TBC1D16: variants seen among roughly 807,000 people sequenced by gnomAD.
TBC1D16 encodes TBC1 domain family member 16.
A neutral mutation model predicts 74.7 loss-of-function variants in TBC1D16; 58 were observed. The observed-to-expected ratio is 0.78, with a 90% CI of 0.63 to 0.97. TBC1D16 has a LOEUF of 0.97. Ranked by LOEUF, TBC1D16 falls within the 50% of genes least tolerant of loss-of-function variation. The pLI, the probability that TBC1D16 is intolerant of heterozygous loss-of-function variation, is 0.00. For missense variants in TBC1D16, 1,014 were observed against 1,079.5 expected (o/e 0.94, Z 0.85); for synonymous variants, 493 against 474.7 (o/e 1.04, Z -0.50).
intron 1 of TBC1D16, among the ~76,000 whole-genome samples, chr17:80,025,534 C>T (rs1290749966): frequency 2.0e-5 from 3 of 147,262 alleles, no homozygotes; most frequent in African/African-American, 7.8e-5. Flanking sequence ...GAGAGTTTTG[C>T]AGCAGTCCTG....
rs974796826 is a variant in TBC1D16, at chr17:79,979,785, A to G, written c.780-26967T>C. On this transcript the variant is annotated intron_variant, in intron 3 of 11. Transcript: ENST00000310924. This position sits in a 1 kb window ranked among gnomAD's most constrained non-coding sequence, Gnocchi z 4.8. ...TCCACCAAAAGCTCACCCTGACTAG[A>G]GAACCAAGCAGAGACTGAGGCCAGA... is the stretch of plus-strand genomic sequence containing the variant. Among the ~76,000 whole-genome samples the G allele has an allele frequency of 6.6e-6, 1 of 151,874 alleles. No homozygotes were observed. Among genetic ancestry groups the G allele is most frequent in the Non-Finnish European group, 1.5e-5 (1 of 67,970 alleles).
At chr17:79,976,175 T>G (rs905189407) in intron 3 of TBC1D16, among the ~76,000 whole-genome samples, 1 of 152,160 alleles carries the variant, frequency 6.6e-6, no homozygotes, top group African/African-American at 2.4e-5. Flanking sequence ...TCTAAAAGCT[T>G]ATGCAAGAGC....
intron 1 of TBC1D16, among the ~76,000 whole-genome samples, chr17:80,029,266 G>A (rs1055391047): frequency 6.6e-6 from 1 of 152,146 alleles, no homozygotes; most frequent in East Asian, 1.9e-4. Context: ...AGGTGAAGAC[G>A]TGGGAAACCT....
chr17:80,003,872 A>G (rs556202025), intron 3 of TBC1D16, among the ~76,000 whole-genome samples: 1 of 152,280 alleles, frequency 6.6e-6, no homozygotes, highest in East Asian at 1.9e-4. Flanking sequence ...CAACAGAGCA[A>G]GAGTCTGTCT....
chr17:80,024,974 T>C (rs1322208164), intron 1 of TBC1D16, among the ~76,000 whole-genome samples: 6 of 51,190 alleles, frequency 1.2e-4, no homozygotes, highest in Non-Finnish European at 1.9e-4. Flanking sequence ...CACAACCCCG[T>C]AGGCACACAC....
intron 1 of TBC1D16, among the ~76,000 whole-genome samples, chr17:80,015,815 A>T (rs1428226951): frequency 6.6e-6 from 1 of 152,150 alleles, no homozygotes; most frequent in African/African-American, 2.4e-5. Flanking sequence ...GTTCGAGATC[A>T]GCCTGGTCAA....
chr17:79,942,547 G>A (rs2032119417), intron 10 of TBC1D16, among the ~76,000 whole-genome samples: 1 of 151,652 alleles, frequency 6.6e-6, no homozygotes, highest in African/African-American at 2.4e-5. Flanking sequence ...GGTACAAAGA[G>A]CACCCTTCCT....
In TBC1D16 at chr17:79,942,216, C is replaced by T. The variant is rs752928693; in HGVS notation, c.1909-10G>A. ...GGTGGAAGTAGTCCGTCTGTGGAGG[C>T]GGGTAGAGTTCAGACACGGGCTCTG... On this transcript the variant is annotated splice_polypyrimidine_tract_variant and intron_variant, in intron 10 of 11. Transcript: ENST00000310924. 33 of 1,582,164 alleles carry T rather than the reference C, an allele frequency of 2.1e-5. No individual in the cohort carries two copies. The highest frequency in any genetic ancestry group is 2.0e-4 in the Admixed American group (11 of 56,194).
chr17:80,015,697 ATAT>A (rs1241372897), intron 1 of TBC1D16, among the ~76,000 whole-genome samples: 1 of 152,142 alleles, frequency 6.6e-6, no homozygotes, highest in Non-Finnish European at 1.5e-5. Flanking sequence ...GTACAGTGGA[ATAT>A]TATTTGGCCT....
chr17:79,982,728 C>T (rs1013446590), intron 3 of TBC1D16, among the ~76,000 whole-genome samples: 4 of 151,524 alleles, frequency 2.6e-5, no homozygotes, highest in African/African-American at 7.3e-5. Context: ...GTGTAACGGC[C>T]GGTGCCTGTA....
Position 79,975,081 on chromosome 17 carries a change from T to C in TBC1D16, c.780-22263A>G, listed in dbSNP as rs2034274420. On this transcript the variant is annotated intron_variant, in intron 3 of 11. Transcript: ENST00000310924. This position sits in a 1 kb window ranked among gnomAD's most constrained non-coding sequence, Gnocchi z 4.5. ...CTCGCCATGCCGTCCCCACTGCCAG[T>C]GGGCGCAACGTTACTTGCAAGGCCA... Among the ~76,000 whole-genome samples, 1 of 152,194 alleles carries C rather than the reference T, an allele frequency of 6.6e-6. No individual in the cohort carries two copies. The highest frequency in any genetic ancestry group is 1.5e-5 in the Non-Finnish European group (1 of 68,030).
Position 79,950,813 on chromosome 17 carries a change from C to T in TBC1D16, c.1090-235G>A, listed in dbSNP as rs2032997401. On this transcript the variant is annotated intron_variant, in intron 5 of 11. Coordinates refer to ENST00000310924, the MANE Select transcript of TBC1D16 (RefSeq NM_019020.4). This position sits in a 1 kb window ranked among gnomAD's most constrained non-coding sequence, Gnocchi z 4.6. ...CTCTCCTCCCCGGCCCACTGTGCCG[C>T]CGCCCCCCACTCTCTCCAACCCCAG... The T allele has an allele frequency of 2.6e-6, 4 of 1,535,352 alleles. No homozygotes were observed. The highest frequency in any genetic ancestry group is 1.4e-5 in the African/African-American group (1 of 73,034).
At chr17:80,004,980 C>T (rs150181503) in intron 3 of TBC1D16, among the ~76,000 whole-genome samples, 1 of 152,358 alleles carries the variant, frequency 6.6e-6, no homozygotes, top group East Asian at 1.9e-4. Context: ...GCCACTTTGG[C>T]CTTTCTATCT....
rs115810031 is a variant in TBC1D16 at position 79,962,604 on chromosome 17, T to G, written c.780-9786A>C. On this transcript the variant is annotated intron_variant, in intron 3 of 11. Coordinates refer to ENST00000310924, the MANE Select transcript of TBC1D16 (RefSeq NM_019020.4). ...ATCACCTTCCATTTCCAGAACTCTT[T>G]TCATCTTGTAAAACAAAAGCTCTAT... Among the ~76,000 whole-genome samples the G allele has an allele frequency of 1.9e-3, 289 of 152,258 alleles. 1 individual carries two copies. Among genetic ancestry groups the G allele is most frequent in the African/African-American group, 6.6e-3 (274 of 41,544 alleles).
At chr17:80,027,216 G>C (rs2036608549) in intron 1 of TBC1D16, among the ~76,000 whole-genome samples, 1 of 152,228 alleles carries the variant, frequency 6.6e-6, no homozygotes, top group Non-Finnish European at 1.5e-5. Context: ...AATCCTAACA[G>C]TTTCGGGAGT....
chr17:79,968,575 C>T (rs1407233677), intron 3 of TBC1D16, among the ~76,000 whole-genome samples: 2 of 152,188 alleles, frequency 1.3e-5, no homozygotes, highest in East Asian at 1.9e-4. Flanking sequence ...AGAGTGAGGC[C>T]GGGCACGGTG....
In TBC1D16 at chr17:79,949,792, T is replaced by C. The variant is rs775657757; in HGVS notation, c.1331A>G (p.His444Arg). The C allele has an allele frequency of 2.5e-6, 4 of 1,613,666 alleles. No homozygotes were observed. Among genetic ancestry groups the C allele is most frequent in the Admixed American group, 1.7e-5 (1 of 59,998 alleles). The part of the protein sequence containing the change: ...VWPFLLRYYS[H>R]ESTSEEREAL... ...CTCCCGCTCCTCCGACGTGGACTCG[T>C]GGCTGTAATAGCGCAGCAGGAAGGG... The change falls in exon 7 of 12, where the codon CAC (histidine) becomes CGC (arginine). Residue 444 changes from histidine (H) to arginine (R), a missense_variant. Transcript: ENST00000310924.
rs749183772 is a variant in TBC1D16, at chr17:80,010,175, A to G, written c.764T>C (p.Leu255Pro). 1.9e-6 allele frequency: 3 copies of G among 1,610,346 alleles called. No homozygotes were observed. In the East Asian group the frequency reaches 6.7e-5, roughly 36 times the overall value. ...AGGAACTCACCTGCTGTCACTTTCC[A>G]GAAACACGGAGCCGCGGCTCTCGGC... ...ALAESRGSVF[L>P]ESDSSPPSSS... The change falls in exon 3 of 12, where the codon CTG becomes CCG. Residue 255 changes from leucine to proline, a missense_variant. Leu to Pro is a moderately conservative substitution (Grantham distance 98). Coordinates refer to ENST00000310924, the MANE Select transcript of TBC1D16 (RefSeq NM_019020.4). This position sits in a 1 kb window ranked among gnomAD's most constrained non-coding sequence, Gnocchi z 8.8.
At chr17:80,014,871 C>T (rs1406255649) in intron 1 of TBC1D16, among the ~76,000 whole-genome samples, 1 of 152,196 alleles carries the variant, frequency 6.6e-6, no homozygotes, top group South Asian at 2.1e-4. Context: ...AGAACTTCTG[C>T]CCCGTGAGGA....
Sources: allele counts gnomAD v4.1 joint callset (sites outside exome capture counted in the v4.1 genomes callset), GRCh38; gene constraint gnomAD v4.1.1; non-coding constraint Gnocchi (gnomAD v3.1); transcripts MANE v1.5; gene names NCBI Gene and HGNC (gene_info 2026-07-23, HGNC 2026-07-21).